KCNH7: variants seen among roughly 807,000 people sequenced by gnomAD.
The protein encoded by KCNH7 is voltage-gated inwardly rectifying potassium channel KCNH7.
A neutral mutation model predicts 120.8 loss-of-function variants in KCNH7; 49 were observed. That is an observed-to-expected ratio of 0.41 (90% CI 0.32 to 0.51). KCNH7 has a LOEUF of 0.51. Among genes scored for constraint, KCNH7 ranks in the 20% least tolerant of loss-of-function variants. The pLI is 0.38. For missense variants in KCNH7, 1,097 were observed against 1,446.6 expected (o/e 0.76, Z 3.92); for synonymous variants, 547 against 516.1 (o/e 1.06, Z -0.81).
intron 2 of KCNH7, among the ~76,000 whole-genome samples, chr2:162,582,039 T>C (rs1366857822): frequency 6.6e-6 from 1 of 151,952 alleles, no homozygotes. Flanking sequence ...CAAAGCAAAA[T>C]AGGCTGGATA....
intron 6 of KCNH7, among the ~76,000 whole-genome samples, chr2:162,483,104 G>A (rs1689982815): frequency 6.6e-6 from 1 of 152,138 alleles, no homozygotes; most frequent in African/African-American, 2.4e-5. Flanking sequence ...AAATTGCAAA[G>A]TATATTCCTG....
At chr2:162,621,295 A>AGAG (rs960058149) in intron 2 of KCNH7, among the ~76,000 whole-genome samples, 1 of 123,746 alleles carries the variant, frequency 8.1e-6, no homozygotes, top group African/African-American at 3.2e-5. Flanking sequence ...AGAATATGTA[A>AGAG]GAGTGACCTA....
intron 2 of KCNH7, among the ~76,000 whole-genome samples, chr2:162,670,279 G>C (rs535746514): frequency 3.0e-4 from 46 of 151,898 alleles, no homozygotes; most frequent in Non-Finnish European, 6.0e-4. Context: ...TTTGAGACCA[G>C]CCTGGCCAAC....
chr2:162,429,595 T>G (rs2105507243), intron 8 of KCNH7, among the ~76,000 whole-genome samples: 1 of 151,816 alleles, frequency 6.6e-6, no homozygotes, highest in African/African-American at 2.4e-5. Context: ...AGATTTTGTT[T>G]TTCTTTCAGC....
intron 2 of KCNH7, among the ~76,000 whole-genome samples, chr2:162,588,384 T>C (rs1387076957): frequency 5.9e-5 from 9 of 152,150 alleles, no homozygotes; most frequent in African/African-American, 1.7e-4. Context: ...AAATGTTTAT[T>C]AATTTTTTAC....
At chr2:162,758,821 A>T (rs1688875002) in intron 2 of KCNH7, among the ~76,000 whole-genome samples, 1 of 152,184 alleles carries the variant, frequency 6.6e-6, no homozygotes, top group Non-Finnish European at 1.5e-5. Flanking sequence ...AAGCAATAAC[A>T]ACTTTACTGC....
At chr2:162,648,977 T>A (rs530560137) in intron 2 of KCNH7, among the ~76,000 whole-genome samples, 2 of 152,312 alleles carry the variant, frequency 1.3e-5, no homozygotes, top group African/African-American at 4.8e-5. Flanking sequence ...CAGACATGAT[T>A]CTCCAGGTTT....
chr2:162,589,585 T>C (rs1368137670), intron 2 of KCNH7, among the ~76,000 whole-genome samples: 1 of 152,054 alleles, frequency 6.6e-6, no homozygotes, highest in African/African-American at 2.4e-5. Flanking sequence ...ATCTCAAGCA[T>C]AATCATAGGA....
chr2:162,539,573 T>C (rs1463279909), intron 2 of KCNH7, among the ~76,000 whole-genome samples: 1 of 152,048 alleles, frequency 6.6e-6, no homozygotes, highest in Non-Finnish European at 1.5e-5. Flanking sequence ...AATTTTCTGA[T>C]TTAGTAATTT....
rs147287571 is a variant in KCNH7, at chr2:162,573,391, T to C, written c.308-36311A>G. Among the ~76,000 whole-genome samples, 34 of 151,944 alleles carry C rather than the reference T, an allele frequency of 2.2e-4. No individual in the cohort carries two copies. In the East Asian group the frequency reaches 6.6e-3, roughly 30 times the overall value. On this transcript the variant is annotated intron_variant, in intron 2 of 15. Coordinates refer to ENST00000332142, the MANE Select transcript of KCNH7 (RefSeq NM_033272.4). ...TTTCCTGATGAAAGATATACAAAAA[T>C]GAATAAAAAGTTTGATGTAATAAAA...
chr2:162,754,096 C>A (rs1688705579), intron 2 of KCNH7, among the ~76,000 whole-genome samples: 1 of 152,044 alleles, frequency 6.6e-6, no homozygotes, highest in African/African-American at 2.4e-5. Context: ...TTTGTTACTT[C>A]CACTATAATA....
intron 2 of KCNH7, among the ~76,000 whole-genome samples, chr2:162,594,931 A>G (rs1694327258): frequency 6.6e-6 from 1 of 152,056 alleles, no homozygotes; most frequent in African/African-American, 2.4e-5. Context: ...AATATAGTAA[A>G]AAGATCATTC....
rs181081906 is a variant in KCNH7 at position 162,534,446 on chromosome 2, T to A, written c.463+2479A>T. On this transcript the variant is annotated intron_variant, in intron 3 of 15. Coordinates refer to ENST00000332142, the MANE Select transcript of KCNH7 (RefSeq NM_033272.4). Reference sequence around the variant, plus strand: ...AAACTATAGGAACTGAGGATTTTTTTAAAAAATCATAAAATACTACCTTGC... The same window carrying A: ...AAACTATAGGAACTGAGGATTTTTTAAAAAAATCATAAAATACTACCTTGC... 9.4e-4 allele frequency among the ~76,000 whole-genome samples: 143 copies of A among 151,540 alleles called. 3 individuals carry two copies. The highest frequency in any genetic ancestry group is 6.0e-3 in the South Asian group (29 of 4,830).
chr2:162,496,726 G>A (rs1690510914), intron 6 of KCNH7, among the ~76,000 whole-genome samples: 1 of 152,090 alleles, frequency 6.6e-6, no homozygotes, highest in South Asian at 2.1e-4. Context: ...GAATCAATGA[G>A]TCTTTATACA....
At chr2:162,411,285 G>T (rs192948231) in intron 9 of KCNH7, among the ~76,000 whole-genome samples, 2 of 152,076 alleles carry the variant, frequency 1.3e-5, no homozygotes, top group Non-Finnish European at 2.9e-5. Flanking sequence ...CCATAAAAAA[G>T]AATGAAATTA....
chr2:162,659,490 C>T (rs550177540), intron 2 of KCNH7, among the ~76,000 whole-genome samples: 7 of 151,846 alleles, frequency 4.6e-5, no homozygotes, highest in African/African-American at 1.7e-4. Context: ...TACAGGCATG[C>T]GCCACCACAC....
intron 2 of KCNH7, among the ~76,000 whole-genome samples, chr2:162,686,172 T>C (rs1206738997): frequency 2.0e-5 from 3 of 152,104 alleles, no homozygotes; most frequent in Admixed American, 1.3e-4. Context: ...TCATCCTATA[T>C]AGTTCTCTTT....
At position 162,504,376 on chromosome 2, in the gene KCNH7, AAT is replaced by A. The variant is rs1271597427; in HGVS notation, c.1128+65_1128+66del. On this transcript the variant is annotated intron_variant, in intron 6 of 15. Transcript: ENST00000332142. Reference sequence around the variant, plus strand: ...ACCGACAGTCATTTATAAGAAAAAGAATATGTTTCATGGTGCAGAAACAAACC... The same window carrying A: ...ACCGACAGTCATTTATAAGAAAAAGAATGTTTCATGGTGCAGAAACAAACC... 5 of 1,177,948 alleles carry A rather than the reference AAT, an allele frequency of 4.2e-6. No individual in the cohort carries two copies. In the Admixed American group the frequency reaches 7.5e-5, roughly 18 times the overall value. The allele number at this position is 1,177,948 out of a possible 1,614,324, so 73.0% of individuals were successfully genotyped here.
chr2:162,408,290 G>A (rs1011699694), intron 9 of KCNH7, among the ~76,000 whole-genome samples: 1 of 151,974 alleles, frequency 6.6e-6, no homozygotes, highest in Non-Finnish European at 1.5e-5. Flanking sequence ...ATTGTTTCTT[G>A]GGAATTTTAA....
Sources: gnomAD v4.1 joint callset for allele counts (sites outside exome capture counted in the v4.1 genomes callset) on GRCh38, gnomAD v4.1.1 for gene constraint, MANE v1.5 for transcripts, NCBI Gene and HGNC (gene_info 2026-07-23, HGNC 2026-07-21) for gene names.